Variants in PROSER2 observed in about 807,000 individuals in gnomAD.
PROSER2 encodes proline and serine rich 2.
In PROSER2, 18 loss-of-function variants were observed where a neutral mutation model predicts 14.6. The observed-to-expected ratio is 1.23, with a 90% CI of 0.85 to 1.83. PROSER2 has a LOEUF of 1.83. PROSER2 is among the 40% of genes most tolerant of loss of function. The pLI is 0.00. For missense variants in PROSER2, 823 were observed against 629.8 expected, an observed-to-expected ratio of 1.31 and a Z score of -3.28; for synonymous variants, 367 against 286.4, an observed-to-expected ratio of 1.28 and a Z score of -2.84.
At position 11,856,129 on chromosome 10, in the gene PROSER2, C is replaced by T. The variant is rs1834119142; in HGVS notation, c.138+3914C>T. 6.6e-6 allele frequency among the ~76,000 whole-genome samples: 1 copy of T among 152,154 alleles called. No homozygotes were observed. The highest frequency in any genetic ancestry group is 2.1e-4 in the South Asian group (1 of 4,824). ...GCTTCCTGACAACGTCGGGAGTGTGCTTGTGGAGCTTACTACCTCGAGAGG... is the reference window on the plus strand; with the variant it reads ...GCTTCCTGACAACGTCGGGAGTGTGTTTGTGGAGCTTACTACCTCGAGAGG... On this transcript the variant is annotated intron_variant, in intron 2 of 3. Coordinates refer to ENST00000277570, the MANE Select transcript of PROSER2 (RefSeq NM_153256.4). This position sits in a 1 kb window ranked among gnomAD's most constrained non-coding sequence, Gnocchi z 5.3.
intron 1 of PROSER2, among the ~76,000 whole-genome samples, chr10:11,826,371 C>T (rs1459126121): frequency 6.6e-6 from 1 of 152,098 alleles, no homozygotes; most frequent in Non-Finnish European, 1.5e-5. Flanking sequence ...CACCTGTTGT[C>T]AATTCTTTTG....
rs368905112 is a variant in PROSER2 at position 11,858,515 on chromosome 10, C to T, written c.138+6300C>T. On this transcript the variant is annotated intron_variant, in intron 2 of 3. Coordinates refer to ENST00000277570, the MANE Select transcript of PROSER2 (RefSeq NM_153256.4). ...AGCTAGACTGGGACTTTGTTCTCTA[C>T]GTGGGGGCTTGTTCTGGTGCATTAT... is the stretch of plus-strand genomic sequence containing the variant. Among the ~76,000 whole-genome samples the T allele has an allele frequency of 5.3e-5, 8 of 152,240 alleles. No individual in the cohort carries two copies. The East Asian group carries it at 7.7e-4, about 15-fold the overall frequency.
At position 11,870,289 on chromosome 10, in the gene PROSER2, C is replaced by T. The variant is rs1316401516; in HGVS notation, c.1191C>T (p.Arg397=). The change falls in exon 4 of 4, where the codon CGC becomes CGT. Residue 397 remains arginine (R), a synonymous_variant. Coordinates refer to ENST00000277570, the MANE Select transcript of PROSER2 (RefSeq NM_153256.4). ...RQPNGAQDWR[R]ADSLPRPQGI... is the part of the protein sequence containing the mutation. ...CCAACGGCGCCCAGGACTGGCGCCG[C>T]GCAGACTCCCTGCCCCGGCCCCAGG... 9.4e-6 allele frequency: 14 copies of T among 1,493,932 alleles called. No individual in the cohort carries two copies. Among genetic ancestry groups the T allele is most frequent in the Non-Finnish European group, 1.2e-5 (14 of 1,128,724 alleles). The allele number at this position is 1,493,932 out of a possible 1,614,324, so 92.5% of individuals were successfully genotyped here.
intron 1 of PROSER2, among the ~76,000 whole-genome samples, chr10:11,826,627 G>C (rs893939720): frequency 1.3e-5 from 2 of 152,150 alleles, no homozygotes; most frequent in African/African-American, 2.4e-5. Context: ...AGCCAGGCTG[G>C]AGTGCAGTGG....
intron 1 of PROSER2, among the ~76,000 whole-genome samples, chr10:11,826,302 C>T (rs2131041645): frequency 6.6e-6 from 1 of 152,270 alleles, no homozygotes; most frequent in South Asian, 2.1e-4. Context: ...GTTGTTTCCA[C>T]CTTTTGGCTA....
intron 2 of PROSER2, among the ~76,000 whole-genome samples, chr10:11,855,985 T>C (rs963665791): frequency 6.6e-6 from 1 of 152,168 alleles, no homozygotes; most frequent in Non-Finnish European, 1.5e-5. Context: ...ATGAAAGGTA[T>C]AGGTAGAACT....
chr10:11,861,993 TC>T lies in PROSER2; in HGVS notation c.139-4535del, dbSNP rs367580329. On this transcript the variant is annotated intron_variant, in intron 2 of 3. Transcript: ENST00000277570. ...CATCTAAACTGTCAGCGCATCAGAC[TC>T]CCTGGAGGCTGCGTCCAACACAGAC... 2.9e-3 allele frequency among the ~76,000 whole-genome samples: 443 copies of T among 152,326 alleles called. 1 individual carries two copies. Among genetic ancestry groups the T allele is most frequent in the African/African-American group, 0.01 (420 of 41,570 alleles).
Position 11,864,775 on chromosome 10 carries a change from G to A in PROSER2, c.139-1756G>A, listed in dbSNP as rs184948289. On this transcript the variant is annotated intron_variant, in intron 2 of 3. Transcript: ENST00000277570. ...GGCTAATTTTTGTATCTTTAGTAGA[G>A]ACAGGATTTTACCATGTTGGCCAGC... Among the ~76,000 whole-genome samples, 24 of 152,124 alleles carry A rather than the reference G, an allele frequency of 1.6e-4. 1 individual carries two copies. The highest frequency in any genetic ancestry group is 9.8e-4 in the Admixed American group (15 of 15,270).
At chr10:11,840,022 A>C (rs962804252) in intron 1 of PROSER2, among the ~76,000 whole-genome samples, 1 of 151,194 alleles carries the variant, frequency 6.6e-6, no homozygotes, top group African/African-American at 2.4e-5. Flanking sequence ...CCATGATCTC[A>C]GCTCACTGCA....
At chr10:11,854,973 T>G (rs1169551722) in intron 2 of PROSER2, among the ~76,000 whole-genome samples, 1 of 152,024 alleles carries the variant, frequency 6.6e-6, no homozygotes, top group Non-Finnish European at 1.5e-5. Flanking sequence ...AATTAAGCAG[T>G]GTCCTTTAAT....
rs745600046 is a variant in PROSER2 at position 11,869,491 on chromosome 10, G to C, written c.393G>C (p.Gly131=). 5 of 1,612,318 alleles carry C rather than the reference G, an allele frequency of 3.1e-6. No homozygotes were observed. Among genetic ancestry groups the C allele is most frequent in the Non-Finnish European group, 4.2e-6 (5 of 1,178,576 alleles). The change falls in exon 4 of 4, where the codon GGG becomes GGC. Residue 131 remains glycine (G), a splice_region_variant and synonymous_variant. Coordinates refer to ENST00000277570, the MANE Select transcript of PROSER2 (RefSeq NM_153256.4). The surrounding 1 kb of genome is among the most constrained non-coding windows in gnomAD (Gnocchi z 4.4). ...ACAGGCTCCTCCCTTGTCTTCCAGGGCCTGCACCTGCTGGGAAGGAGCACA... is the reference window on the plus strand; with the variant it reads ...ACAGGCTCCTCCCTTGTCTTCCAGGCCCTGCACCTGCTGGGAAGGAGCACA... ...EGLPEGTQAA[G]PAPAGKEHRK...
intron 1 of PROSER2, among the ~76,000 whole-genome samples, chr10:11,826,056 C>T (rs1487469614): frequency 1.3e-5 from 2 of 152,118 alleles, no homozygotes; most frequent in East Asian, 3.9e-4. Flanking sequence ...CAACCTCTGG[C>T]AGCCACTGAT....
rs775449035 is a variant in PROSER2 at position 11,869,499 on chromosome 10, C to A, written c.401C>A (p.Pro134His). Residue 134 changes from proline to histidine, a missense_variant, in exon 4 of 4, where the codon CCT becomes CAT. Physicochemically the swap from Pro to His is moderately conservative, Grantham distance 77. Coordinates refer to ENST00000277570, the MANE Select transcript of PROSER2 (RefSeq NM_153256.4). This position sits in a 1 kb window ranked among gnomAD's most constrained non-coding sequence, Gnocchi z 4.4. ...CTCCCTTGTCTTCCAGGGCCTGCAC[C>A]TGCTGGGAAGGAGCACAGGAAACAA... Reference protein sequence around the residue: ...PEGTQAAGPAPAGKEHRKQDA... With the variant: ...PEGTQAAGPAHAGKEHRKQDA... 17 of 1,613,200 alleles carry A rather than the reference C, an allele frequency of 1.1e-5. No individual in the cohort carries two copies. The highest frequency in any genetic ancestry group is 1.7e-5 in the Admixed American group (1 of 59,986).
chr10:11,835,366 T>C (rs1405864706), intron 1 of PROSER2, among the ~76,000 whole-genome samples: 2 of 152,170 alleles, frequency 1.3e-5, no homozygotes, highest in Non-Finnish European at 2.9e-5. Flanking sequence ...ACCAGGCGTG[T>C]GCTCAGAGCT....
rs1834421837 is a variant in PROSER2, at chr10:11,869,555, C to G, written c.457C>G (p.Pro153Ala). 2 of 1,613,310 alleles carry G rather than the reference C, an allele frequency of 1.2e-6. No individual in the cohort carries two copies. ...DAETPPPPDP[P>A]APETLLAPPP... ...TGAGACTCCTCCACCTCCAGACCCC[C>G]CGGCTCCCGAGACCCTTCTTGCGCC... Residue 153 changes from proline to alanine, a missense_variant, in exon 4 of 4, where the codon CCG becomes GCG. Coordinates refer to ENST00000277570, the MANE Select transcript of PROSER2 (RefSeq NM_153256.4). This position sits in a 1 kb window ranked among gnomAD's most constrained non-coding sequence, Gnocchi z 4.4.
chr10:11,853,565 C>T (rs748205181), intron 2 of PROSER2, among the ~76,000 whole-genome samples: 10 of 152,054 alleles, frequency 6.6e-5, no homozygotes, highest in South Asian at 4.2e-4. Context: ...CCAGGCTGGG[C>T]GACAGAACGA....
intron 1 of PROSER2, among the ~76,000 whole-genome samples, chr10:11,827,841 G>A (rs1273166932): frequency 2.0e-5 from 3 of 151,942 alleles, no homozygotes; most frequent in African/African-American, 7.3e-5. Flanking sequence ...ACCATGCCTG[G>A]CTAATTTTTG....
At chr10:11,835,146 G>T (rs191539027) in intron 1 of PROSER2, among the ~76,000 whole-genome samples, 54 of 151,598 alleles carry the variant, frequency 3.6e-4, no homozygotes, top group African/African-American at 1.2e-3. Flanking sequence ...AGAAGTGTTA[G>T]TTATTGCAAT....
chr10:11,843,515 G>A lies in PROSER2; in HGVS notation c.-81-8482G>A, dbSNP rs145259905. 1.5e-3 allele frequency among the ~76,000 whole-genome samples: 224 copies of A among 151,802 alleles called. 1 individual carries two copies. Among genetic ancestry groups the A allele is most frequent in the African/African-American group, 4.9e-3 (201 of 41,434 alleles). ...ATCCTGGCCAACATGGTGAAACCCC[G>A]TCCCTACTAAAGATACAAAAATTAT... On this transcript the variant is annotated intron_variant, in intron 1 of 3. Transcript: ENST00000277570.
Sources: gnomAD v4.1 joint callset for allele counts (sites outside exome capture counted in the v4.1 genomes callset) on GRCh38, gnomAD v4.1.1 for gene constraint, Gnocchi (gnomAD v3.1) non-coding constraint, MANE v1.5 for transcripts, NCBI Gene and HGNC (gene_info 2026-07-23, HGNC 2026-07-21) for gene names.